Variants in VWF observed in about 807,000 individuals in gnomAD.
VWF encodes von Willebrand factor, also known as Factor VIII related antigen.
In VWF, 176 loss-of-function variants were observed where a neutral mutation model predicts 308.6. That is an observed-to-expected ratio of 0.57 (90% CI 0.50 to 0.65). The LOEUF is 0.65. VWF is among the 30% of genes least tolerant of loss of function. The probability of loss-of-function intolerance (pLI) is 0.00; values close to 1 mark genes in which losing one functional copy is unlikely to be tolerated. For synonymous variants in VWF, 1,385 were observed against 1,443.4 expected (o/e 0.96, Z 0.92); for missense variants, 3,146 against 3,648.2 (o/e 0.86, Z 3.55).
intron 6 of VWF, among the ~76,000 whole-genome samples, chr12:6,076,842 T>C (rs1390665546): frequency 6.6e-6 from 1 of 152,216 alleles, no homozygotes; most frequent in African/African-American, 2.4e-5. Flanking sequence ...CCTCCTGTTT[T>C]GCGGCGCCAC....
chr12:5,994,506 A>C lies in VWF; in HGVS notation c.6165T>G (p.Leu2055=), dbSNP rs1167262501. 5 of 1,613,992 alleles carry C rather than the reference A, an allele frequency of 3.1e-6. No homozygotes were observed. Among genetic ancestry groups the C allele is most frequent in the Non-Finnish European group, 4.2e-6 (5 of 1,179,984 alleles). The change falls in exon 36 of 52, where the codon CTT becomes CTG. Residue 2055 remains leucine (L), a synonymous_variant. Coordinates refer to ENST00000261405, the MANE Select transcript of VWF (RefSeq NM_000552.5). ...GTGGAGTGAATGTGAAGATGTGACC[A>C]AGGTGATTGAATCTGACCTCATGCA... The part of the protein sequence containing the change: ...AIMHEVRFNH[L]GHIFTFTPQN...
intron 42 of VWF, among the ~76,000 whole-genome samples, chr12:5,980,139 A>G (rs866275801): frequency 2.3e-3 from 163 of 71,768 alleles, no homozygotes; most frequent in Middle Eastern, 7.6e-3. Flanking sequence ...AGGAAGGAAG[A>G]AAGGAGTGAG....
At position 6,110,468 on chromosome 12, in the gene VWF, A is replaced by C; in HGVS notation, c.438T>G (p.Phe146Leu). 7.4e-6 allele frequency: 12 copies of C among 1,614,162 alleles called. No individual in the cohort carries two copies. Among genetic ancestry groups the C allele is most frequent in the Non-Finnish European group, 1.0e-5 (12 of 1,180,042 alleles). ...AGTATCTGTCTGACAGCAGGACTTGAAAGTTGCCGCTGCCATCGATCCTGG... is the reference window on the plus strand; with the variant it reads ...AGTATCTGTCTGACAGCAGGACTTGCAAGTTGCCGCTGCCATCGATCCTGG... ...FVARIDGSGNFQVLLSDRYFN... is the reference protein window; with the variant it reads ...FVARIDGSGNLQVLLSDRYFN... Residue 146 changes from phenylalanine (F) to leucine (L), a missense_variant, in exon 5 of 52, where the codon TTT becomes TTG. By Grantham distance (22) the Phe-to-Leu change is conservative. Coordinates refer to ENST00000261405, the MANE Select transcript of VWF (RefSeq NM_000552.5).
At chr12:5,996,744 C>A (rs1591850032) in intron 34 of VWF, among the ~76,000 whole-genome samples, 3 of 128,128 alleles carry the variant, frequency 2.3e-5, no homozygotes, top group African/African-American at 9.2e-5. Context: ...GAAATATTTC[C>A]AGAGCCAAAA....
chr12:5,969,660 C>T (rs1490042786), intron 44 of VWF, among the ~76,000 whole-genome samples: 1 of 152,198 alleles, frequency 6.6e-6, no homozygotes, highest in African/African-American at 2.4e-5. Context: ...CCTTCCTCAG[C>T]ATTGGTTTGA....
chr12:5,994,165 T>C lies in VWF; in HGVS notation c.6295A>G (p.Arg2099Gly). 1 of 1,614,122 alleles carries C rather than the reference T, an allele frequency of 6.2e-7. No homozygotes were observed. Among genetic ancestry groups the C allele is most frequent in the Non-Finnish European group, 8.5e-7 (1 of 1,180,020 alleles). Residue 2099 changes from arginine to glycine, a missense_variant, in exon 37 of 52, where the codon AGG becomes GGG. Around this residue, in one of 3 missense-constraint regions of VWF, gnomAD observed 989 missense variants for 1,117.4 expected, o/e 0.89. Coordinates refer to ENST00000261405, the MANE Select transcript of VWF (RefSeq NM_000552.5). Reference protein sequence around the residue: ...DENGANDFMLRDGTVTTDWKT... With the variant: ...DENGANDFMLGDGTVTTDWKT... Reference sequence around the variant, plus strand: ...CAGTCTGTGGTGACTGTGCCATCCCTCAGCATGAAGTCATTGGCTCCGTTC... The same window carrying C: ...CAGTCTGTGGTGACTGTGCCATCCCCCAGCATGAAGTCATTGGCTCCGTTC...
At chr12:6,002,329 G>C (rs972044044) in intron 34 of VWF, among the ~76,000 whole-genome samples, 7 of 151,630 alleles carry the variant, frequency 4.6e-5, no homozygotes, top group African/African-American at 1.7e-4. Context: ...GACAAATCAT[G>C]AGTTAATTTG....
chr12:6,003,570 A>G (rs1450157716), intron 34 of VWF, among the ~76,000 whole-genome samples: 1 of 152,116 alleles, frequency 6.6e-6, no homozygotes, highest in African/African-American at 2.4e-5. Context: ...CCTTGAAGAC[A>G]TTATGCTAAG....
intron 40 of VWF, 152 bp from the exon 41 acceptor site, chr12:5,983,406 G>GATAGATAGATAGATAT (rs1943631855): frequency 3.6e-6 from 2 of 552,230 alleles, no homozygotes; most frequent in African/African-American, 1.9e-5. Context: ...GGTTAGGATA[G>GATAGATAGATAGATAT]ATAGATAGAT....
intron 42 of VWF, among the ~76,000 whole-genome samples, chr12:5,976,764 G>T (rs1284546157): frequency 1.3e-5 from 2 of 152,210 alleles, no homozygotes; most frequent in African/African-American, 4.8e-5. Flanking sequence ...CAGAGCAGGG[G>T]ATATGTTTGA....
chr12:6,016,269 G>C (rs776907516), intron 30 of VWF, 37 bp from the exon 31 acceptor site: 10 of 1,614,008 alleles, frequency 6.2e-6, no homozygotes, highest in African/African-American at 1.3e-5. Flanking sequence ...AGTCAGTACT[G>C]ACTGCGGCTC....
intron 42 of VWF, among the ~76,000 whole-genome samples, chr12:5,979,987 G>A (rs2136368172): frequency 6.8e-6 from 1 of 147,810 alleles, no homozygotes. Flanking sequence ...CTTGCAGTGA[G>A]CCGAGACTGC....
chr12:5,982,075 C>T, intron 41 of VWF, 84 bp from the exon 42 acceptor site: 1 of 1,336,662 alleles, frequency 7.5e-7, no homozygotes, highest in African/African-American at 1.4e-5. Context: ...TGCCAGGGAG[C>T]TTTAGACTCA....
intron 15 of VWF, among the ~76,000 whole-genome samples, chr12:6,055,752 A>G (rs1944570060): frequency 8.0e-6 from 1 of 124,848 alleles, no homozygotes; most frequent in Non-Finnish European, 1.7e-5. Flanking sequence ...TTATATATAT[A>G]TATATGTATA....
At chr12:6,065,422 G>T in intron 10 of VWF, 149 bp from the exon 11 acceptor site, 1 of 1,072,518 alleles carries the variant, frequency 9.3e-7, no homozygotes, top group Non-Finnish European at 1.4e-6. Context: ...CAAGTTCTAC[G>T]AGAAAATTCG....
chr12:6,033,067 CA>C (rs1435859906), intron 20 of VWF, among the ~76,000 whole-genome samples: 1 of 152,218 alleles, frequency 6.6e-6, no homozygotes, highest in African/African-American at 2.4e-5. Context: ...TACATGCATA[CA>C]TATGTCCATA....
Position 6,044,302 on chromosome 12 carries a change from G to T in VWF, c.2431C>A (p.Pro811Thr). ...SMGCVSGCLC[P>T]PGMVRHENRC... ...GCCTGGTGACTCACCATGCCCGGGGGGCAGAGGCAGCCAGAGACACAGCCC... is the reference window on the plus strand; with the variant it reads ...GCCTGGTGACTCACCATGCCCGGGGTGCAGAGGCAGCCAGAGACACAGCCC... The change falls in exon 18 of 52, where the codon CCC (proline) becomes ACC (threonine). Residue 811 changes from proline (P) to threonine (T), a missense_variant. Physicochemically the swap from Pro to Thr is conservative, Grantham distance 38. Coordinates refer to ENST00000261405, the MANE Select transcript of VWF (RefSeq NM_000552.5). The T allele has an allele frequency of 6.2e-7, 1 of 1,614,088 alleles. No homozygotes were observed. Among genetic ancestry groups the T allele is most frequent in the Non-Finnish European group, 8.5e-7 (1 of 1,179,990 alleles).
chr12:6,046,697 G>A lies in VWF; in HGVS notation c.2281+26C>T. Reference sequence around the variant, plus strand: ...GGAATCTGGGCAGGATGGAGTCAATGGGCCTTCCAGGGGGACAGTACTCAC... The same window carrying A: ...GGAATCTGGGCAGGATGGAGTCAATAGGCCTTCCAGGGGGACAGTACTCAC... On this transcript the variant is annotated intron_variant, in intron 17 of 51. Coordinates refer to ENST00000261405, the MANE Select transcript of VWF (RefSeq NM_000552.5). The surrounding 1 kb of genome is among the most constrained non-coding windows in gnomAD (Gnocchi z 5.0). 1 of 1,606,564 alleles carries A rather than the reference G, an allele frequency of 6.2e-7. No homozygotes were observed. The highest frequency in any genetic ancestry group is 8.5e-7 in the Non-Finnish European group (1 of 1,173,240).
chr12:6,071,176 C>G, intron 10 of VWF, 121 bp downstream of exon 10: 1 of 1,199,550 alleles, frequency 8.3e-7, no homozygotes, highest in East Asian at 2.4e-5. Flanking sequence ...TTGCAGCCAA[C>G]CTGTGCAGAG....
Sources: gnomAD v4.1 joint callset for allele counts (sites outside exome capture counted in the v4.1 genomes callset) on GRCh38, gnomAD v4.1.1 for gene constraint, gnomAD v4.1.1 regional missense constraint, Gnocchi (gnomAD v3.1) non-coding constraint, MANE v1.5 for transcripts, NCBI Gene and HGNC (gene_info 2026-07-23, HGNC 2026-07-21) for gene names.